The following ANXA13 variants were observed in gnomAD, a reference collection of about 807,000 sequenced individuals.
The protein encoded by ANXA13 is annexin XIII.
Under a neutral mutation model 46.6 loss-of-function variants are expected in ANXA13, and 36 were observed. The ratio of observed to expected loss-of-function variants is 0.77; its 90% CI spans 0.59 to 1.02. The LOEUF (loss-of-function observed/expected upper bound fraction) is 1.02, where lower values mean the gene tolerates loss of function less well. Ranked by LOEUF, ANXA13 falls within the 50% of genes least tolerant of loss-of-function variation. The pLI, the probability that ANXA13 is intolerant of heterozygous loss-of-function variation, is 0.00. For synonymous variants in ANXA13, 163 were observed against 152.9 expected, an observed-to-expected ratio of 1.07 and a Z score of -0.49; for missense variants, 417 against 396.5, an observed-to-expected ratio of 1.05 and a Z score of -0.44.
chr8:123,707,194 GTGAA>G (rs1245175623), intron 2 of ANXA13, among the ~76,000 whole-genome samples: 1 of 152,156 alleles, frequency 6.6e-6, no homozygotes, highest in Non-Finnish European at 1.5e-5. Flanking sequence ...GAATTGATGG[GTGAA>G]TGAATGAATG....
chr8:123,698,365 C>T, intron 4 of ANXA13, 24 bp downstream of exon 4: 1 of 1,611,688 alleles, frequency 6.2e-7, no homozygotes, highest in Non-Finnish European at 8.5e-7. Context: ...GTGATGCTCC[C>T]TTGCGGGCTC....
intron 4 of ANXA13, among the ~76,000 whole-genome samples, chr8:123,696,919 A>G (rs549978205): frequency 6.6e-6 from 1 of 152,156 alleles, no homozygotes; most frequent in African/African-American, 2.4e-5. Context: ...ATATATGAAT[A>G]TATTTTTTGA....
chr8:123,723,638 G>A (rs1813929941), intron 1 of ANXA13, among the ~76,000 whole-genome samples: 1 of 152,208 alleles, frequency 6.6e-6, no homozygotes, highest in Non-Finnish European at 1.5e-5. Flanking sequence ...AAATTGGCAA[G>A]CACCACAAAT....
intron 2 of ANXA13, among the ~76,000 whole-genome samples, chr8:123,710,538 A>G (rs1321296341): frequency 6.6e-6 from 1 of 152,248 alleles, no homozygotes; most frequent in African/African-American, 2.4e-5. Flanking sequence ...TTAATAAAAC[A>G]TTCTGTGGAC....
chr8:123,685,316 G>C (rs1813120735), intron 9 of ANXA13, among the ~76,000 whole-genome samples: 1 of 152,140 alleles, frequency 6.6e-6, no homozygotes, highest in Admixed American at 6.5e-5. Context: ...CTACGATGCT[G>C]CTATTTGCTC....
At chr8:123,689,662 C>T (rs1398132867) in intron 8 of ANXA13, among the ~76,000 whole-genome samples, 2 of 152,148 alleles carry the variant, frequency 1.3e-5, no homozygotes, top group African/African-American at 4.8e-5. Flanking sequence ...TAAATATTTA[C>T]AGAAGCTGAA....
At chr8:123,707,890 A>G (rs1391069750) in intron 2 of ANXA13, among the ~76,000 whole-genome samples, 1 of 152,130 alleles carries the variant, frequency 6.6e-6, no homozygotes, top group African/African-American at 2.4e-5. Context: ...TTTTAAAGCT[A>G]AAAAAGAAAA....
At chr8:123,683,938 T>C (rs976345436) in intron 10 of ANXA13, among the ~76,000 whole-genome samples, 1 of 152,206 alleles carries the variant, frequency 6.6e-6, no homozygotes, top group East Asian at 1.9e-4. Flanking sequence ...CTCTCCCTTT[T>C]CTTTCTTATA....
At chr8:123,718,668 T>C (rs1470053602) in intron 1 of ANXA13, among the ~76,000 whole-genome samples, 4 of 152,184 alleles carry the variant, frequency 2.6e-5, no homozygotes, top group Non-Finnish European at 5.9e-5. Context: ...GGTCTACATG[T>C]CCTTCTCTGT....
intron 4 of ANXA13, among the ~76,000 whole-genome samples, chr8:123,696,916 A>G (rs1257073604): frequency 6.6e-6 from 1 of 152,120 alleles, no homozygotes; most frequent in East Asian, 1.9e-4. Context: ...AATATATATG[A>G]ATATATTTTT....
chr8:123,715,823 T>A (rs1813749802), intron 1 of ANXA13, among the ~76,000 whole-genome samples: 1 of 152,206 alleles, frequency 6.6e-6, no homozygotes, highest in Non-Finnish European at 1.5e-5. Context: ...GATTTTCTGA[T>A]TCTGACAGAT....
chr8:123,724,042 G>A (rs1298177085), intron 1 of ANXA13, among the ~76,000 whole-genome samples: 1 of 152,206 alleles, frequency 6.6e-6, no homozygotes, highest in Admixed American at 6.5e-5. Context: ...GAATGGAACA[G>A]GAAACTTATC....
rs1480145637 is a variant in ANXA13 at position 123,693,797 on chromosome 8, T to C, written c.472-18A>G. ...CGATTAGCCTAGAAAAATTGACACA[T>C]TGTTATTAACTTGCATTCCTGCTTG... On this transcript the variant is annotated intron_variant, in intron 6 of 10. Coordinates refer to ENST00000419625, the MANE Select transcript of ANXA13 (RefSeq NM_004306.4). The C allele has an allele frequency of 1.2e-6, 2 of 1,610,402 alleles. No homozygotes were observed. The highest frequency in any genetic ancestry group is 3.3e-5 in the Admixed American group (2 of 59,802).
chr8:123,737,243 G>T, intron 1 of ANXA13, 77 bp downstream of exon 1: 2 of 1,342,892 alleles, frequency 1.5e-6, no homozygotes, highest in Non-Finnish European at 1.1e-6. Context: ...ACAAGTATCA[G>T]TCATGATTTT....
At chr8:123,736,920 C>T (rs1444561553) in intron 1 of ANXA13, among the ~76,000 whole-genome samples, 1 of 144,620 alleles carries the variant, frequency 6.9e-6, no homozygotes, top group African/African-American at 2.6e-5. Context: ...GCAATCTCGG[C>T]TTATTGCAAC....
intron 1 of ANXA13, among the ~76,000 whole-genome samples, chr8:123,724,947 G>C (rs1425790593): frequency 2.0e-5 from 3 of 152,148 alleles, no homozygotes; most frequent in Non-Finnish European, 2.9e-5. Context: ...TTACCTACTT[G>C]CACCAGAGGT....
chr8:123,696,991 C>A (rs1360254594), intron 4 of ANXA13, among the ~76,000 whole-genome samples: 1 of 152,210 alleles, frequency 6.6e-6, no homozygotes, highest in African/African-American at 2.4e-5. Flanking sequence ...CTCACTGCAA[C>A]CTCCGCCTCC....
At chr8:123,726,949 A>G (rs188070368) in intron 1 of ANXA13, among the ~76,000 whole-genome samples, 130 of 152,364 alleles carry the variant, frequency 8.5e-4, no homozygotes, top group African/African-American at 3.1e-3. Flanking sequence ...GAAGTAACTC[A>G]GGAACAGAAA....
intron 2 of ANXA13, among the ~76,000 whole-genome samples, chr8:123,711,125 C>T (rs954476900): frequency 2.0e-5 from 3 of 152,172 alleles, no homozygotes; most frequent in African/African-American, 7.2e-5. Flanking sequence ...TCCCCCTTCT[C>T]TGCTACTCAA....
Sources: allele counts gnomAD v4.1 joint callset (sites outside exome capture counted in the v4.1 genomes callset), GRCh38; gene constraint gnomAD v4.1.1; transcripts MANE v1.5; gene names NCBI Gene and HGNC (gene_info 2026-07-23, HGNC 2026-07-21).